The following CALN1 variants were observed in gnomAD, a reference collection of about 807,000 sequenced individuals.
CALN1 encodes calneuron 1, also known as calcium-binding protein 8.
A neutral mutation model predicts 30.6 loss-of-function variants in CALN1; 17 were observed. The observed-to-expected ratio is 0.56, with a 90% CI of 0.38 to 0.83. The LOEUF (loss-of-function observed/expected upper bound fraction) is 0.83. Among genes scored for constraint, CALN1 ranks in the 40% least tolerant of loss-of-function variants. The pLI, the probability that CALN1 is intolerant of heterozygous loss-of-function variation, is 0.00. For missense variants in CALN1, 291 were observed against 354.9 expected (o/e 0.82, Z 1.45); for synonymous variants, 156 against 131.4 (o/e 1.19, Z -1.28).
At chr7:72,322,842 G>T in intron 2 of CALN1, among the ~76,000 whole-genome samples, 1 of 151,844 alleles carries the variant, frequency 6.6e-6, no homozygotes, top group East Asian at 1.9e-4. Context: ...AAACGTTTGA[G>T]GGGATGGATA....
intron 2 of CALN1, among the ~76,000 whole-genome samples, chr7:72,295,863 C>T (rs1178305612): frequency 2.6e-5 from 4 of 151,774 alleles, no homozygotes; most frequent in Admixed American, 6.6e-5. Flanking sequence ...ATTTCCTTCT[C>T]CTGCCTAACT....
chr7:72,187,835 T>A (rs989675867), intron 3 of CALN1, among the ~76,000 whole-genome samples: 2 of 152,350 alleles, frequency 1.3e-5, no homozygotes, highest in South Asian at 4.1e-4. Flanking sequence ...TTGTGATATA[T>A]GTTCATCCTG....
intron 5 of CALN1, among the ~76,000 whole-genome samples, chr7:71,978,844 G>A (rs576032856): frequency 3.3e-5 from 5 of 152,230 alleles, no homozygotes; most frequent in Admixed American, 2.0e-4. Context: ...ATGAAACTGC[G>A]GAAAAGACTT....
intron 5 of CALN1, among the ~76,000 whole-genome samples, chr7:71,846,948 T>C (rs911154501): frequency 7.6e-5 from 11 of 144,828 alleles, no homozygotes; most frequent in Non-Finnish European, 7.6e-5. Flanking sequence ...TATGTATATA[T>C]ACATATATAA....
At chr7:72,393,650 AAAG>A (rs1367546472) in intron 2 of CALN1, among the ~76,000 whole-genome samples, 2 of 152,184 alleles carry the variant, frequency 1.3e-5, no homozygotes, top group African/African-American at 4.8e-5. Flanking sequence ...GCAAATGCCA[AAAG>A]AATAGGTATA....
intron 3 of CALN1, among the ~76,000 whole-genome samples, chr7:72,178,367 C>T (rs893023994): frequency 1.7e-4 from 26 of 152,118 alleles, no homozygotes; most frequent in Non-Finnish European, 5.9e-5. Context: ...GAGTAGCATT[C>T]GATACATAAT....
chr7:72,059,449 G>A (rs559971495), intron 4 of CALN1, among the ~76,000 whole-genome samples: 1 of 120,672 alleles, frequency 8.3e-6, no homozygotes, highest in South Asian at 2.5e-4. Flanking sequence ...TCTTGCCTTG[G>A]CAAAAGTTTT....
chr7:72,138,628 A>T (rs978746362), intron 3 of CALN1, among the ~76,000 whole-genome samples: 1 of 152,208 alleles, frequency 6.6e-6, no homozygotes, highest in Non-Finnish European at 1.5e-5. Context: ...GCTAATCTTC[A>T]AAGAGGCTGC....
At chr7:71,935,774 A>T (rs10487619) in intron 5 of CALN1, among the ~76,000 whole-genome samples, 1 of 152,204 alleles carries the variant, frequency 6.6e-6, no homozygotes, top group Non-Finnish European at 1.5e-5. Context: ...CTGCCAGGGC[A>T]CTGCTTTTCA....
At chr7:72,260,136 C>G (rs965103623) in intron 3 of CALN1, among the ~76,000 whole-genome samples, 2 of 152,142 alleles carry the variant, frequency 1.3e-5, no homozygotes, top group African/African-American at 4.8e-5. Context: ...GAGTGTGAGG[C>G]TGCAATGAGC....
At chr7:71,958,290 CTGTT>C (rs1230769024) in intron 5 of CALN1, among the ~76,000 whole-genome samples, 1 of 152,066 alleles carries the variant, frequency 6.6e-6, no homozygotes, top group Non-Finnish European at 1.5e-5. Context: ...CTGTTCCCCT[CTGTT>C]TGTCAGGTTT....
intron 5 of CALN1, among the ~76,000 whole-genome samples, chr7:71,990,554 G>A (rs1798894012): frequency 1.3e-5 from 2 of 151,882 alleles, no homozygotes; most frequent in South Asian, 4.2e-4. Context: ...CCAGGTTCAA[G>A]CAATTCTCCT....
At chr7:71,962,097 A>G (rs1266542194) in intron 5 of CALN1, among the ~76,000 whole-genome samples, 3 of 152,056 alleles carry the variant, frequency 2.0e-5, no homozygotes, top group Non-Finnish European at 4.4e-5. Context: ...AAGTTATTAT[A>G]AGAATAACCT....
At chr7:72,246,515 C>T (rs2129551687) in intron 3 of CALN1, among the ~76,000 whole-genome samples, 1 of 152,196 alleles carries the variant, frequency 6.6e-6, no homozygotes, top group Admixed American at 6.5e-5. Flanking sequence ...CTCTATAATT[C>T]CGTGATCAAA....
intron 1 of CALN1, 118 bp downstream of exon 1, chr7:72,411,937 ACAC>A (rs1337508592): frequency 6.6e-6 from 1 of 152,162 alleles, no homozygotes; most frequent in East Asian, 1.9e-4. Flanking sequence ...ATAGATTAAA[ACAC>A]CACCATAATC....
chr7:72,288,517 G>A (rs964303493), intron 2 of CALN1, among the ~76,000 whole-genome samples: 1 of 152,030 alleles, frequency 6.6e-6, no homozygotes, highest in Admixed American at 6.6e-5. Flanking sequence ...TTTGAAAAAT[G>A]GAGTATCAGA....
intron 2 of CALN1, among the ~76,000 whole-genome samples, chr7:72,398,628 G>C (rs1245029340): frequency 1.3e-5 from 2 of 152,158 alleles, no homozygotes; most frequent in South Asian, 4.1e-4. Context: ...TGGCATCATG[G>C]ATGAGTCAGC....
intron 4 of CALN1, among the ~76,000 whole-genome samples, chr7:72,029,324 T>C (rs1488175429): frequency 1.3e-5 from 2 of 152,044 alleles, no homozygotes; most frequent in Admixed American, 6.6e-5. Context: ...TATTAGCCAG[T>C]GAAGATTAGC....
At chr7:71,821,832 C>T (rs1554346059) in intron 5 of CALN1, among the ~76,000 whole-genome samples, 1 of 149,136 alleles carries the variant, frequency 6.7e-6, no homozygotes, top group Non-Finnish European at 1.5e-5. Context: ...GTGTCACCCA[C>T]GCTGGAGTAC....
Sources: allele counts gnomAD v4.1 joint callset (sites outside exome capture counted in the v4.1 genomes callset), GRCh38; gene constraint gnomAD v4.1.1; transcripts MANE v1.5; gene names NCBI Gene and HGNC (gene_info 2026-07-23, HGNC 2026-07-21).